The following SHB variants were observed in gnomAD, a reference collection of about 807,000 sequenced individuals.
The protein encoded by SHB is SH2 domain-containing adapter protein B.
In SHB, 20 loss-of-function variants were observed where a neutral mutation model predicts 52.3. That is an observed-to-expected ratio of 0.38 (90% confidence interval 0.27 to 0.56). SHB has a LOEUF of 0.56. Ranked by LOEUF, SHB falls within the 20% of genes least tolerant of loss-of-function variation. The probability of loss-of-function intolerance (pLI) is 0.71; values close to 1 mark genes in which losing one functional copy is unlikely to be tolerated. For synonymous variants in SHB, 397 were observed against 316.5 expected (o/e 1.25, Z -2.70); for missense variants, 825 against 723.3 (o/e 1.14, Z -1.61).
chr9:37,975,206 T>TTATAAG (rs1820640169), intron 2 of SHB, among the ~76,000 whole-genome samples: 1 of 152,160 alleles, frequency 6.6e-6, no homozygotes, highest in African/African-American at 2.4e-5. Context: ...GCTGGGGTCT[T>TTATAAG]TCCCTCTAGG....
intron 1 of SHB, among the ~76,000 whole-genome samples, chr9:38,063,728 T>A (rs1821923121): frequency 6.6e-6 from 1 of 152,032 alleles, no homozygotes; most frequent in African/African-American, 2.4e-5. Flanking sequence ...TTTGGAAAGT[T>A]AGCCACCACT....
intron 5 of SHB, among the ~76,000 whole-genome samples, chr9:37,942,786 G>C (rs1322019523): frequency 6.6e-6 from 1 of 152,086 alleles, no homozygotes; most frequent in Non-Finnish European, 1.5e-5. Flanking sequence ...GGGCTGCCTC[G>C]GTCTCCTGGG....
At chr9:38,014,657 C>T (rs1821187298) in intron 2 of SHB, among the ~76,000 whole-genome samples, 2 of 152,246 alleles carry the variant, frequency 1.3e-5, no homozygotes, top group African/African-American at 2.4e-5. Context: ...AAGTCTGGAC[C>T]TAAGTCCCTC....
chr9:37,954,617 A>G (rs1832607070), intron 4 of SHB, among the ~76,000 whole-genome samples: 1 of 152,182 alleles, frequency 6.6e-6, no homozygotes, highest in African/African-American at 2.4e-5. Flanking sequence ...CCTTTATTGC[A>G]CATTTGCTTG....
intron 4 of SHB, among the ~76,000 whole-genome samples, chr9:37,949,822 C>T (rs892429464): frequency 1.6e-4 from 24 of 152,334 alleles, no homozygotes; most frequent in Admixed American, 9.8e-4. Flanking sequence ...CATTACTGCT[C>T]CCAGATGCCA....
chr9:37,989,951 G>T (rs919282154), intron 2 of SHB, among the ~76,000 whole-genome samples: 1 of 152,148 alleles, frequency 6.6e-6, no homozygotes, highest in East Asian at 1.9e-4. Context: ...ACCATCCCAA[G>T]AATTATGTGG....
intron 2 of SHB, among the ~76,000 whole-genome samples, chr9:37,992,123 G>A (rs1048980548): frequency 2.6e-5 from 4 of 152,186 alleles, no homozygotes; most frequent in African/African-American, 7.2e-5. Context: ...TGGTCCAGCC[G>A]GGCACGGTGG....
intron 2 of SHB, among the ~76,000 whole-genome samples, chr9:37,987,547 C>T (rs377391840): frequency 6.6e-6 from 1 of 152,238 alleles, no homozygotes; most frequent in Non-Finnish European, 1.5e-5. Context: ...GTCCCAGCTC[C>T]AGCTCTGTCC....
In SHB at chr9:37,982,803, G is replaced by GA. The variant is rs1157947559; in HGVS notation, c.839-7967dup. 1.9e-3 allele frequency among the ~76,000 whole-genome samples: 273 copies of GA among 143,548 alleles called. 1 individual carries two copies. The highest frequency in any genetic ancestry group is 0.011 in the Middle Eastern group (3 of 282). The allele number at this position is 143,548 out of a possible 152,430, so 94.2% of individuals were successfully genotyped here. A position where few individuals can be genotyped will look rare whatever the true frequency, so the allele number is the denominator to read the frequency against. The stretch of plus-strand genomic sequence containing the variant: ...AACAAGAGCAAAACTCTGTTTCAAA[G>GA]AAAAAAAAAAGAATAAGCATCTAAT... On this transcript the variant is annotated intron_variant, in intron 2 of 5. Coordinates refer to ENST00000377707, the MANE Select transcript of SHB (RefSeq NM_003028.3).
chr9:37,950,712 A>G (rs1832556446), intron 4 of SHB, among the ~76,000 whole-genome samples: 2 of 152,082 alleles, frequency 1.3e-5, no homozygotes, highest in Admixed American at 6.5e-5. Flanking sequence ...TTAAGCGAGG[A>G]TCATGCCAAC....
At chr9:37,959,595 G>A (rs1461596568) in intron 3 of SHB, among the ~76,000 whole-genome samples, 5 of 152,104 alleles carry the variant, frequency 3.3e-5, no homozygotes, top group South Asian at 2.1e-4. Flanking sequence ...CTCTACAATC[G>A]ACATCCCGAC....
chr9:37,982,544 C>A (rs1820746433), intron 2 of SHB, among the ~76,000 whole-genome samples: 1 of 151,642 alleles, frequency 6.6e-6, no homozygotes, highest in African/African-American at 2.4e-5. Context: ...TGTAATCCCA[C>A]CACTTTGGGA....
chr9:37,980,033 C>T (rs1244769926), intron 2 of SHB, among the ~76,000 whole-genome samples: 2 of 152,082 alleles, frequency 1.3e-5, no homozygotes, highest in Non-Finnish European at 2.9e-5. Context: ...TTGATGTTGC[C>T]GGCTGCCGAC....
At chr9:38,066,107 G>C (rs1339948655) in intron 1 of SHB, among the ~76,000 whole-genome samples, 2 of 152,216 alleles carry the variant, frequency 1.3e-5, no homozygotes, top group African/African-American at 4.8e-5. Flanking sequence ...GGAGGACACA[G>C]AGAAGACCCG....
intron 3 of SHB, among the ~76,000 whole-genome samples, chr9:37,958,261 G>A (rs1321948772): frequency 6.6e-6 from 1 of 151,732 alleles, no homozygotes; most frequent in Non-Finnish European, 1.5e-5. Context: ...ACATTCTGCA[G>A]GCAGAGATGG....
chr9:38,068,219 A>C lies in SHB; in HGVS notation c.427T>G (p.Ser143Ala). The C allele has an allele frequency of 1.4e-6, 2 of 1,394,104 alleles. No homozygotes were observed. The highest frequency in any genetic ancestry group is 3.0e-5 in the East Asian group (1 of 33,218). The allele number at this position is 1,394,104 out of a possible 1,614,324, so 86.4% of individuals were successfully genotyped here. A position where few individuals can be genotyped will look rare whatever the true frequency, so the allele number is the denominator to read the frequency against. Residue 143 changes from serine (S) to alanine (A), a missense_variant, in exon 1 of 6, where the codon TCC becomes GCC. Physicochemically the swap from Ser to Ala is moderately conservative, Grantham distance 99. Transcript: ENST00000377707. ...ASGAAGCCCA[S>A]SGAGAAASSS... ...GACGCGGCGGCCCCCGCGCCCGAGGAGGCGCAGCAACAGCCCGCGGCGCCC... is the reference window on the plus strand; with the variant it reads ...GACGCGGCGGCCCCCGCGCCCGAGGCGGCGCAGCAACAGCCCGCGGCGCCC...
intron 1 of SHB, among the ~76,000 whole-genome samples, chr9:38,046,761 G>C (rs1821657345): frequency 6.6e-6 from 1 of 152,210 alleles, no homozygotes; most frequent in Non-Finnish European, 1.5e-5. Flanking sequence ...TCATTAATTG[G>C]GGACAACAGT....
chr9:38,048,976 T>C (rs1465392793), intron 1 of SHB, among the ~76,000 whole-genome samples: 6 of 152,210 alleles, frequency 3.9e-5, no homozygotes, highest in African/African-American at 1.4e-4. Flanking sequence ...CAATACAGTC[T>C]ATTCACAGGC....
At chr9:37,925,103 C>T (rs1429547054) in intron 5 of SHB, among the ~76,000 whole-genome samples, 1 of 152,222 alleles carries the variant, frequency 6.6e-6, no homozygotes, top group East Asian at 1.9e-4. Context: ...AGCTGGGGCA[C>T]TGTGCCCATC....
Sources: gnomAD v4.1 joint callset for allele counts (sites outside exome capture counted in the v4.1 genomes callset) on GRCh38, gnomAD v4.1.1 for gene constraint, MANE v1.5 for transcripts, NCBI Gene and HGNC (gene_info 2026-07-23, HGNC 2026-07-21) for gene names.